RPL35A: variants seen among roughly 807,000 people sequenced by gnomAD.
The protein encoded by RPL35A is large ribosomal subunit protein eL33.
In RPL35A, 1 loss-of-function variant was observed where a neutral mutation model predicts 16.7. The ratio of observed to expected loss-of-function variants is 0.06; its 90% CI spans 0.02 to 0.28. The LOEUF is 0.28. Ranked by LOEUF, RPL35A falls within the 10% of genes least tolerant of loss-of-function variation. The pLI is 1.00. For missense variants in RPL35A, 91 were observed against 138.7 expected, an observed-to-expected ratio of 0.66 and a Z score of 1.73; for synonymous variants, 58 against 47.0, an observed-to-expected ratio of 1.23 and a Z score of -0.96.
intron 3 of RPL35A, among the ~76,000 whole-genome samples, chr3:197,951,863 A>AATTTTTGT (rs1469932624): frequency 2.6e-5 from 4 of 151,906 alleles, no homozygotes; most frequent in Admixed American, 2.6e-4. Context: ...ACGCCCGGCT[A>AATTTTTGT]ATTTTTGTAT....
intron 4 of RPL35A, among the ~76,000 whole-genome samples, chr3:197,955,417 C>T (rs1219744685): frequency 6.6e-6 from 1 of 152,094 alleles, no homozygotes; most frequent in African/African-American, 2.4e-5. Flanking sequence ...CACGTACCAC[C>T]ATGCCCAGCT....
At position 197,955,781 on chromosome 3, in the gene RPL35A, A is replaced by G. The variant is rs779211931; in HGVS notation, c.*8A>G. On this transcript the variant is annotated 3_prime_UTR_variant, in exon 5 of 5. Coordinates refer to ENST00000647248, the MANE Select transcript of RPL35A (RefSeq NM_000996.4). Reference sequence around the variant, plus strand: ...TACCCCTCAAGGATTTAAACTAACGAAAAATCAATAAATAAATGTGGATTT... The same window carrying G: ...TACCCCTCAAGGATTTAAACTAACGGAAAATCAATAAATAAATGTGGATTT... 1.9e-6 allele frequency: 3 copies of G among 1,597,782 alleles called. No individual in the cohort carries two copies. The South Asian group carries it at 3.3e-5, about 18-fold the overall frequency.
intron 3 of RPL35A, among the ~76,000 whole-genome samples, chr3:197,952,155 A>G (rs921586145): frequency 1.4e-5 from 2 of 144,228 alleles, no homozygotes; most frequent in African/African-American, 2.5e-5. Context: ...ATGCCTTAAA[A>G]TTATGGGTTT....
chr3:197,952,837 T>C (rs991352494), intron 3 of RPL35A, among the ~76,000 whole-genome samples: 2 of 133,290 alleles, frequency 1.5e-5, no homozygotes, highest in South Asian at 4.4e-4. Flanking sequence ...TGCTGTAGAC[T>C]TTTTTTTTTT....
At chr3:197,952,348 T>G (rs1720176823) in intron 3 of RPL35A, among the ~76,000 whole-genome samples, 1 of 151,774 alleles carries the variant, frequency 6.6e-6, no homozygotes, top group Non-Finnish European at 1.5e-5. Context: ...TTTTGTATAT[T>G]TAGTAGAGAT....
intron 3 of RPL35A, chr3:197,953,442 C>T: frequency 2.2e-6 from 1 of 456,708 alleles, no homozygotes. Context: ...TTCTCTCATT[C>T]AGTAAAAGCC....
In RPL35A at chr3:197,951,250, G is replaced by T; in HGVS notation, c.103G>T (p.Ala35Ser). 1 of 1,614,122 alleles carries T rather than the reference G, an allele frequency of 6.2e-7. No individual in the cohort carries two copies. The highest frequency in any genetic ancestry group is 8.5e-7 in the Non-Finnish European group (1 of 1,179,996). The change falls in exon 3 of 5, where the codon GCC (alanine) becomes TCC (serine). Residue 35 changes from alanine to serine, a missense_variant. Ala to Ser is a moderately conservative substitution (Grantham distance 99). Transcript: ENST00000647248. ...TALLKIEGVY[A>S]RDETEFYLGK... Reference sequence around the variant, plus strand: ...TCTTCTTAAAATTGAAGGTGTTTACGCCCGAGATGAAACAGAATTCTATTT... The same window carrying T: ...TCTTCTTAAAATTGAAGGTGTTTACTCCCGAGATGAAACAGAATTCTATTT...
At chr3:197,953,912 C>T (rs1720324033) in intron 3 of RPL35A, 91 bp from the exon 4 acceptor site, 4 of 1,328,898 alleles carry the variant, frequency 3.0e-6, no homozygotes, top group Non-Finnish European at 4.3e-6. Context: ...AGTGGGTAAC[C>T]AGGGTTGAGA....
intron 3 of RPL35A, chr3:197,953,778 CAT>C (rs1430491199): frequency 3.3e-6 from 2 of 601,362 alleles, no homozygotes; most frequent in Non-Finnish European, 5.9e-6. Flanking sequence ...ACTTGGTTAT[CAT>C]GTGAAAGATT....
intron 3 of RPL35A, chr3:197,951,570 C>A (rs1560120736): frequency 4.4e-6 from 2 of 451,808 alleles, no homozygotes; most frequent in East Asian, 9.1e-5. Context: ...CCAGGCTGGT[C>A]CCAAACTCCT....
At chr3:197,955,509 G>C (rs926104362) in intron 4 of RPL35A, among the ~76,000 whole-genome samples, 1 of 152,038 alleles carries the variant, frequency 6.6e-6, no homozygotes, top group African/African-American at 2.4e-5. Context: ...GGATCTGCCC[G>C]CCTAGGCCTC....
rs1161881389 is a variant in RPL35A at position 197,955,980 on chromosome 3, A to G, written c.*207A>G. The G allele has an allele frequency of 1.8e-6, 1 of 566,336 alleles. No homozygotes were observed. Among genetic ancestry groups the G allele is most frequent in the Non-Finnish European group, 3.2e-6 (1 of 313,804 alleles). The allele number at this position is 566,336 out of a possible 1,614,324, so 35.1% of individuals were successfully genotyped here. On this transcript the variant is annotated 3_prime_UTR_variant, in exon 5 of 5. Coordinates refer to ENST00000647248, the MANE Select transcript of RPL35A (RefSeq NM_000996.4). ...TTAGAAGGGAACGGGTTTTAATGCG[A>G]GTATCTTTGACAGAGTCTTGCTCTG...
In RPL35A at chr3:197,950,204, A is replaced by C. The variant is rs1719932189; in HGVS notation, c.-50A>C. The C allele has an allele frequency of 1.6e-6, 2 of 1,231,462 alleles. No individual in the cohort carries two copies. Among genetic ancestry groups the C allele is most frequent in the Non-Finnish European group, 2.0e-6 (2 of 987,928 alleles). 76.3% of individuals were successfully genotyped at this position (1,231,462 alleles called of 1,614,324 possible). On this transcript the variant is annotated 5_prime_UTR_variant, in exon 1 of 5. Coordinates refer to ENST00000647248, the MANE Select transcript of RPL35A (RefSeq NM_000996.4). ...GGGGCCTCGTCCTTCTCTTACCGCC[A>C]TCTTGGCTCCTGTGGAGGTGAGTGA...
rs369888816 is a variant in RPL35A at position 197,956,266 on chromosome 3, T to C, written c.*493T>C. On this transcript the variant is annotated 3_prime_UTR_variant, in exon 5 of 5. Transcript: ENST00000647248. ...ACCACACCTGCCAAGTGCTTTGTGA[T>C]ACTATGCATTTGTTCAATGCAGATT... 2.7e-4 allele frequency: 48 copies of C among 176,564 alleles called. No individual in the cohort carries two copies. Among genetic ancestry groups the C allele is most frequent in the African/African-American group, 1.0e-3 (44 of 42,380 alleles). 10.9% of individuals were successfully genotyped at this position (176,564 alleles called of 1,614,324 possible). A position where few individuals can be genotyped will look rare whatever the true frequency, so the allele number is the denominator to read the frequency against.
chr3:197,952,162 G>GTTTTTTTTTTTT (rs1161903755), intron 3 of RPL35A, among the ~76,000 whole-genome samples: 1 of 83,860 alleles, frequency 1.2e-5, no homozygotes, highest in African/African-American at 5.2e-5. Context: ...AAAATTATGG[G>GTTTTTTTTTTTT]TTTTTTTTTT....
In RPL35A at chr3:197,955,731, T is replaced by C; in HGVS notation, c.310-19T>C. On this transcript the variant is annotated intron_variant, in intron 4 of 4. Transcript: ENST00000647248. ...TATATAACATTCACCTAATGTTTTG[T>C]GTTCTTTTTTCCCTGCAGATGCTGT... The C allele has an allele frequency of 6.3e-7, 1 of 1,590,818 alleles. No homozygotes were observed. The highest frequency in any genetic ancestry group is 8.6e-7 in the Non-Finnish European group (1 of 1,160,462).
intron 3 of RPL35A, among the ~76,000 whole-genome samples, chr3:197,953,247 C>T (rs1401627662): frequency 6.6e-6 from 1 of 152,184 alleles, no homozygotes; most frequent in Non-Finnish European, 1.5e-5. Flanking sequence ...TGCAGTGGCT[C>T]ACACTTGTAG....
chr3:197,954,515 G>C, intron 4 of RPL35A: 1 of 335,760 alleles, frequency 3.0e-6, no homozygotes, highest in South Asian at 2.5e-5. Context: ...TGGGGTTTTT[G>C]TTGTGTTTTT....
intron 2 of RPL35A, 53 bp from the exon 3 acceptor site, chr3:197,951,106 C>T (rs1720036442): frequency 6.2e-7 from 1 of 1,611,940 alleles, no homozygotes; most frequent in Non-Finnish European, 8.5e-7. Context: ...GATTACAAGT[C>T]AGATTGGTTT....
Sources: allele counts gnomAD v4.1 joint callset (sites outside exome capture counted in the v4.1 genomes callset), GRCh38; gene constraint gnomAD v4.1.1; transcripts MANE v1.5; gene names NCBI Gene and HGNC (gene_info 2026-07-23, HGNC 2026-07-21).